The following SLC39A10 variants were observed in gnomAD, a reference collection of about 807,000 sequenced individuals.
SLC39A10 encodes the protein zinc transporter ZIP10.
SLC39A10 carries 13 observed loss-of-function variants against 65.1 expected under a neutral mutation model. The observed-to-expected ratio is 0.20, with a 90% CI of 0.13 to 0.32. The LOEUF (loss-of-function observed/expected upper bound fraction) is 0.32, where lower values mean the gene tolerates loss of function less well. Ranked by LOEUF, SLC39A10 falls within the 10% of genes least tolerant of loss-of-function variation. The pLI is 1.00. For missense variants in SLC39A10, 831 were observed against 1,018.4 expected (o/e 0.82, Z 2.50); for synonymous variants, 321 against 342.2 (o/e 0.94, Z 0.68).
chr2:195,623,955 AG>A (rs1688405607), intron 2 of SLC39A10, among the ~76,000 whole-genome samples: 1 of 151,490 alleles, frequency 6.6e-6, no homozygotes, highest in African/African-American at 2.4e-5. Flanking sequence ...TTAGATATGC[AG>A]GTTGGGAAAA....
At chr2:195,697,191 T>C (rs1690999056) in intron 3 of SLC39A10, among the ~76,000 whole-genome samples, 1 of 152,132 alleles carries the variant, frequency 6.6e-6, no homozygotes, top group South Asian at 2.1e-4. Context: ...CAACTATAAT[T>C]TAATAATGAT....
intron 1 of SLC39A10, among the ~76,000 whole-genome samples, chr2:195,679,676 T>C (rs1690228404): frequency 6.6e-6 from 1 of 152,200 alleles, no homozygotes; most frequent in Admixed American, 6.5e-5. Context: ...AAAGTTCTTG[T>C]ATGTCTTTGG....
At chr2:195,675,741 A>G (rs1010260058) in intron 1 of SLC39A10, among the ~76,000 whole-genome samples, 2 of 152,186 alleles carry the variant, frequency 1.3e-5, no homozygotes, top group Admixed American at 6.5e-5. Flanking sequence ...CCCAGTAAGG[A>G]TTCTTGAATG....
intron 1 of SLC39A10, among the ~76,000 whole-genome samples, chr2:195,658,739 A>T: frequency 6.6e-6 from 1 of 152,194 alleles, no homozygotes; most frequent in East Asian, 1.9e-4. Flanking sequence ...TACTTTTTCT[A>T]GATCTTGGAT....
rs1327522867 is a variant in SLC39A10 at position 195,737,362 on chromosome 2, A to ATG, written c.*2322_*2323insGT. The ATG allele has an allele frequency of 4.9e-4, 73 of 149,024 alleles. No homozygotes were observed. Among genetic ancestry groups the ATG allele is most frequent in the Non-Finnish European group, 8.3e-4 (57 of 68,586 alleles). 9.2% of individuals were successfully genotyped at this position (149,024 alleles called of 1,614,324 possible). A position where few individuals can be genotyped will look rare whatever the true frequency, so the allele number is the denominator to read the frequency against. On this transcript the variant is annotated 3_prime_UTR_variant, in exon 10 of 10. Transcript: ENST00000359634. ...GTGTGACATCCATATGAATTTTGGT[A>ATG]TATATCAATCAATCAATCAATCACA...
intron 2 of SLC39A10, among the ~76,000 whole-genome samples, chr2:195,629,657 A>G (rs1298949593): frequency 6.6e-6 from 1 of 152,196 alleles, no homozygotes; most frequent in Non-Finnish European, 1.5e-5. Flanking sequence ...TTATCTCAGT[A>G]TATGTCATGG....
chr2:195,681,557 G>A (rs1690325661), intron 2 of SLC39A10, among the ~76,000 whole-genome samples: 1 of 152,072 alleles, frequency 6.6e-6, no homozygotes, highest in African/African-American at 2.4e-5. Context: ...TTTAAAATCT[G>A]AATTTCACTT....
At chr2:195,693,453 G>C (rs1401493217) in intron 3 of SLC39A10, among the ~76,000 whole-genome samples, 1 of 152,028 alleles carries the variant, frequency 6.6e-6, no homozygotes, top group Non-Finnish European at 1.5e-5. Context: ...TCTGGTCCTG[G>C]ACTTTTTTTT....
intron 2 of SLC39A10, among the ~76,000 whole-genome samples, chr2:195,635,030 T>C (rs1457121033): frequency 6.6e-6 from 1 of 152,044 alleles, no homozygotes; most frequent in African/African-American, 2.4e-5. Flanking sequence ...GCCTGGGCAA[T>C]AGAGCAAGAC....
At chr2:195,701,347 T>C (rs2105802819) in intron 3 of SLC39A10, among the ~76,000 whole-genome samples, 1 of 151,042 alleles carries the variant, frequency 6.6e-6, no homozygotes, top group Non-Finnish European at 1.5e-5. Context: ...CTTTTTTTTT[T>C]TTTTTTAGCA....
intron 3 of SLC39A10, among the ~76,000 whole-genome samples, chr2:195,692,210 A>G (rs1440361983): frequency 2.0e-5 from 3 of 152,008 alleles, no homozygotes; most frequent in East Asian, 1.9e-4. Context: ...CTATGTGCCT[A>G]TTTTTATACC....
rs111327725 is a variant in SLC39A10 at position 195,662,523 on chromosome 2, C to G, written c.-12+5242C>G. On this transcript the variant is annotated intron_variant, in intron 1 of 9. Transcript: ENST00000359634. ...ACTCGAACTCAAGTGAGCTACCTGCCTTGGCCTCTTGAAGTGCTGGGATTA... is the reference window on the plus strand; with the variant it reads ...ACTCGAACTCAAGTGAGCTACCTGCGTTGGCCTCTTGAAGTGCTGGGATTA... Among the ~76,000 whole-genome samples, 397 of 152,214 alleles carry G rather than the reference C, an allele frequency of 2.6e-3. 1 individual carries two copies. The highest frequency in any genetic ancestry group is 9.4e-3 in the African/African-American group (391 of 41,534).
chr2:195,736,885 T>TATC lies in SLC39A10; in HGVS notation c.*1845_*1847dup, dbSNP rs997515870. ...GCCAACTTCAAGTGATTTAGATATC[T>TATC]ATCTATCTAGATTTCTGAACCAAGA... On this transcript the variant is annotated 3_prime_UTR_variant, in exon 10 of 10. Transcript: ENST00000359634. 5.9e-5 allele frequency: 9 copies of TATC among 152,538 alleles called. No individual in the cohort carries two copies. Among genetic ancestry groups the TATC allele is most frequent in the African/African-American group, 1.4e-4 (6 of 41,442 alleles). 9.4% of individuals were successfully genotyped at this position (152,538 alleles called of 1,614,324 possible).
intron 8 of SLC39A10, among the ~76,000 whole-genome samples, chr2:195,725,690 C>G (rs10208493): frequency 1.3e-5 from 2 of 151,536 alleles, no homozygotes; most frequent in African/African-American, 4.8e-5. Flanking sequence ...TCATAATTGC[C>G]AAAAACAGTG....
chr2:195,716,606 T>C (rs1228582370), intron 6 of SLC39A10, 31 bp from the exon 7 acceptor site: 2 of 1,541,082 alleles, frequency 1.3e-6, no homozygotes, highest in Non-Finnish European at 8.7e-7. Context: ...ATTTAATTAT[T>C]GATAAAGCAT....
chr2:195,636,207 C>T (rs1333393638), intron 2 of SLC39A10, among the ~76,000 whole-genome samples: 3 of 152,182 alleles, frequency 2.0e-5, no homozygotes, highest in African/African-American at 7.2e-5. Flanking sequence ...TACATTTCAG[C>T]CAAGACAACA....
chr2:195,647,782 T>TG (rs1688955642), intron 2 of SLC39A10, among the ~76,000 whole-genome samples: 3 of 152,082 alleles, frequency 2.0e-5, no homozygotes, highest in African/African-American at 7.2e-5. Flanking sequence ...CAGTTACTTA[T>TG]CAGAGTGGCT....
intron 2 of SLC39A10, among the ~76,000 whole-genome samples, chr2:195,628,869 A>G (rs1688524991): frequency 6.6e-6 from 1 of 152,198 alleles, no homozygotes; most frequent in South Asian, 2.1e-4. Flanking sequence ...GACAATTCCA[A>G]AATGTATTAT....
At chr2:195,672,741 A>G (rs902691125) in intron 1 of SLC39A10, among the ~76,000 whole-genome samples, 1 of 152,218 alleles carries the variant, frequency 6.6e-6, no homozygotes, top group Non-Finnish European at 1.5e-5. Flanking sequence ...TCTGATCAAT[A>G]TATATGAATG....
Sources: allele counts gnomAD v4.1 joint callset (sites outside exome capture counted in the v4.1 genomes callset), GRCh38; gene constraint gnomAD v4.1.1; transcripts MANE v1.5; gene names NCBI Gene and HGNC (gene_info 2026-07-23, HGNC 2026-07-21).